Variants in BRAT1 observed in about 807,000 individuals in gnomAD.
BRAT1 encodes the protein integrator complex assembly factor BRAT1.
A neutral mutation model predicts 70.6 loss-of-function variants in BRAT1; 74 were observed. The ratio of observed to expected loss-of-function variants is 1.05; its 90% confidence interval spans 0.87 to 1.27. The LOEUF is 1.27. Among genes scored for constraint, BRAT1 ranks in the 50% most tolerant of loss-of-function variants. The probability of loss-of-function intolerance (pLI) is 0.00; values close to 1 mark genes in which losing one functional copy is unlikely to be tolerated. For synonymous variants in BRAT1, 615 were observed against 517.1 expected (o/e 1.19, Z -2.57); for missense variants, 1,203 against 1,098.2 (o/e 1.10, Z -1.35).
In BRAT1 at chr7:2,542,426, C is replaced by T. The variant is rs1404428338; in HGVS notation, c.924-215G>A. 12 of 585,574 alleles carry T rather than the reference C, an allele frequency of 2.0e-5. No homozygotes were observed. The South Asian group carries it at 2.2e-4, about 11-fold the overall frequency. 36.3% of individuals were successfully genotyped at this position (585,574 alleles called of 1,614,324 possible). A position where few individuals can be genotyped will look rare whatever the true frequency, so the allele number is the denominator to read the frequency against. ...GAGATGGGCCTGACACTCCTGATGT[C>T]CTTAGGAGCAGATACTGAGGGGCCT... On this transcript the variant is annotated intron_variant, in intron 6 of 13. Coordinates refer to ENST00000340611, the MANE Select transcript of BRAT1 (RefSeq NM_152743.4).
rs766746960 is a variant in BRAT1, at chr7:2,543,419, C to G, written c.804-96G>C. On this transcript the variant is annotated intron_variant, in intron 5 of 13. Transcript: ENST00000340611. The surrounding 1 kb of genome is among the most constrained non-coding windows in gnomAD (Gnocchi z 5.5). ...TGCCATGGCTCCGGCACTGGAGGCG[C>G]CCAGCCCAAGACAGGCCTTTCCCCA... The G allele has an allele frequency of 1.2e-3, 1,729 of 1,495,612 alleles. 3 individuals are homozygous for G. Among genetic ancestry groups the G allele is most frequent in the Non-Finnish European group, 1.4e-3 (1,607 of 1,125,912 alleles). 92.6% of individuals were successfully genotyped at this position (1,495,612 alleles called of 1,614,324 possible).
Position 2,538,393 on chromosome 7 carries a change from A to G in BRAT1, c.2142T>C (p.Pro714=). Residue 714 remains proline, a synonymous_variant, in exon 14 of 14, where the codon CCT becomes CCC. Coordinates refer to ENST00000340611, the MANE Select transcript of BRAT1 (RefSeq NM_152743.4). ...AFCALFDCDR[P]VAQKSCDLLL... is the part of the protein sequence containing the mutation. Reference sequence around the variant, plus strand: ...GGAGGTCACAAGACTTCTGCGCCACAGGGCGGTCGCAGTCAAACAAGGCAC... The same window carrying G: ...GGAGGTCACAAGACTTCTGCGCCACGGGGCGGTCGCAGTCAAACAAGGCAC... The G allele has an allele frequency of 6.2e-7, 1 of 1,613,564 alleles. No homozygotes were observed. Among genetic ancestry groups the G allele is most frequent in the East Asian group, 2.2e-5 (1 of 44,864 alleles).
At chr7:2,541,894 C>G in intron 7 of BRAT1, 58 bp from the exon 8 acceptor site, 10 of 1,560,366 alleles carry the variant, frequency 6.4e-6, no homozygotes, top group Non-Finnish European at 6.2e-6. Flanking sequence ...CCCACGGTCA[C>G]CAGCCACCCC....
intron 4 of BRAT1, chr7:2,544,197 G>GTTTTTTTTT (rs201500695): frequency 2.3e-4 from 28 of 121,392 alleles, no homozygotes; most frequent in Non-Finnish European, 2.9e-4. Flanking sequence ...GTTCCTTCTT[G>GTTTTTTTTT]TTGTTTTTTT....
chr7:2,548,205 A>G (rs1384200135), intron 2 of BRAT1, among the ~76,000 whole-genome samples: 1 of 152,180 alleles, frequency 6.6e-6, no homozygotes, highest in Non-Finnish European at 1.5e-5. Context: ...TCCTCTCCAG[A>G]ACTGGCATCC....
At position 2,543,251 on chromosome 7, in the gene BRAT1, G is replaced by C. The variant is rs113279845; in HGVS notation, c.876C>G (p.Pro292=). 6.2e-7 allele frequency: 1 copy of C among 1,611,226 alleles called. No individual in the cohort carries two copies. The highest frequency in any genetic ancestry group is 1.3e-5 in the African/African-American group (1 of 74,938). Residue 292 remains proline, a synonymous_variant, in exon 6 of 14, where the codon CCC becomes CCG. Coordinates refer to ENST00000340611, the MANE Select transcript of BRAT1 (RefSeq NM_152743.4). This position sits in a 1 kb window ranked among gnomAD's most constrained non-coding sequence, Gnocchi z 5.5. ...TVARALSCLG[P]THMGPLALGI... Reference sequence around the variant, plus strand: ...CCAAAGCCAGGGGTCCCATGTGGGTGGGACCCAGGCAGCTCAGAGCCCGCG... The same window carrying C: ...CCAAAGCCAGGGGTCCCATGTGGGTCGGACCCAGGCAGCTCAGAGCCCGCG...
intron 2 of BRAT1, 67 bp from the exon 3 acceptor site, chr7:2,547,545 T>C: frequency 6.5e-7 from 1 of 1,548,830 alleles, no homozygotes; most frequent in Non-Finnish European, 8.9e-7. Context: ...GGATGACCGC[T>C]CTTCTCCTAG....
chr7:2,544,058 G>T (rs991030673), intron 4 of BRAT1, 96 bp from the exon 5 acceptor site: 2 of 1,000,454 alleles, frequency 2.0e-6, no homozygotes, highest in African/African-American at 1.8e-5. Flanking sequence ...ATAGCAGAGG[G>T]CCCCCCAAGA....
Position 2,544,898 on chromosome 7 carries a change from GGC to G in BRAT1, c.430+9_430+10del. 6.5e-7 allele frequency: 1 copy of G among 1,548,886 alleles called. No individual in the cohort carries two copies. The highest frequency in any genetic ancestry group is 8.7e-7 in the Non-Finnish European group (1 of 1,146,594). On this transcript the variant is annotated intron_variant, in intron 4 of 13. Coordinates refer to ENST00000340611, the MANE Select transcript of BRAT1 (RefSeq NM_152743.4). ...AGGATGAGGAATGGGGTGGGGTGTG[GGC>G]GCACTCACCATGGTCGGCCAGGAAG...
In BRAT1 at chr7:2,542,158, C is replaced by A; in HGVS notation, c.977G>T (p.Cys326Phe). 6.4e-7 allele frequency: 1 copy of A among 1,572,140 alleles called. No homozygotes were observed. Among genetic ancestry groups the A allele is most frequent in the Non-Finnish European group, 8.6e-7 (1 of 1,158,812 alleles). ...GGCCTGAACCGTGGCCTTCAGGACACAGGCCAGGGGCTGGAGAAGGACCTG... is the reference window on the plus strand; with the variant it reads ...GGCCTGAACCGTGGCCTTCAGGACAAAGGCCAGGGGCTGGAGAAGGACCTG... Reference protein sequence around the residue: ...AFQVLLQPLACVLKATVQAPG... With the variant: ...AFQVLLQPLAFVLKATVQAPG... Residue 326 changes from cysteine to phenylalanine, a missense_variant, in exon 7 of 14, where the codon TGT becomes TTT. Cys to Phe is a radical substitution (Grantham distance 205). Coordinates refer to ENST00000340611, the MANE Select transcript of BRAT1 (RefSeq NM_152743.4).
intron 13 of BRAT1, 78 bp downstream of exon 13, chr7:2,539,101 G>T: frequency 2.6e-6 from 4 of 1,516,252 alleles, no homozygotes; most frequent in Non-Finnish European, 3.5e-6. Context: ...CATGCTGGCC[G>T]CTCGACCACC....
At chr7:2,552,340 A>C (rs566134172) in intron 2 of BRAT1, among the ~76,000 whole-genome samples, 1 of 150,094 alleles carries the variant, frequency 6.7e-6, no homozygotes, top group South Asian at 2.1e-4. Context: ...CTGGTCTCCA[A>C]CTCCTGACCT....
Position 2,547,520 on chromosome 7 carries a change from A to C in BRAT1, c.128-42T>G. 1.9e-6 allele frequency: 3 copies of C among 1,597,682 alleles called. 1 individual carries two copies. The South Asian group carries it at 3.3e-5, about 18-fold the overall frequency. On this transcript the variant is annotated intron_variant, in intron 2 of 13. Coordinates refer to ENST00000340611, the MANE Select transcript of BRAT1 (RefSeq NM_152743.4). ...GCCCAGGGGTCACCAGGGGTACGGC[A>C]CCAGGTGTCCCCCTGGATGACCGCT...
Position 2,543,996 on chromosome 7 carries a change from G to A in BRAT1, c.431-34C>T. The A allele has an allele frequency of 6.6e-7, 1 of 1,514,026 alleles. No individual in the cohort carries two copies. The allele number at this position is 1,514,026 out of a possible 1,614,324, so 93.8% of individuals were successfully genotyped here. ...GGGATGGGGGAAGAGAGGGAAAAGG[G>A]GGTGAGCCAGAATAGAGCTGGGGGA... On this transcript the variant is annotated intron_variant, in intron 4 of 13. Transcript: ENST00000340611. This position sits in a 1 kb window ranked among gnomAD's most constrained non-coding sequence, Gnocchi z 5.5.
chr7:2,547,743 G>GA (rs1172693720), intron 2 of BRAT1, among the ~76,000 whole-genome samples: 3 of 152,140 alleles, frequency 2.0e-5, no homozygotes, highest in Admixed American at 6.5e-5. Flanking sequence ...CAAAAATGCT[G>GA]AAAAAATGTT....
At chr7:2,541,871 G>A in intron 7 of BRAT1, 35 bp from the exon 8 acceptor site, 1 of 1,604,044 alleles carries the variant, frequency 6.2e-7, no homozygotes, top group African/African-American at 1.3e-5. Context: ...CCCTTAGAGA[G>A]CACTTCAGCC....
chr7:2,541,426 A>T lies in BRAT1; in HGVS notation c.1193T>A (p.Leu398Gln). 6.3e-7 allele frequency: 1 copy of T among 1,587,114 alleles called. No homozygotes were observed. The highest frequency in any genetic ancestry group is 8.6e-7 in the Non-Finnish European group (1 of 1,167,916). The change falls in exon 9 of 14, where the codon CTG (leucine) becomes CAG (glutamine). Residue 398 changes from leucine (L) to glutamine (Q), a missense_variant. Coordinates refer to ENST00000340611, the MANE Select transcript of BRAT1 (RefSeq NM_152743.4). The part of the protein sequence containing the change: ...ASLLGATVTV[L>Q]RLCDGSAAPA... Reference sequence around the variant, plus strand: ...GGCAGCCGAGCCGTCACAGAGCCGCAGGACAGTCACTGTAGCCCCCAGTAG... The same window carrying T: ...GGCAGCCGAGCCGTCACAGAGCCGCTGGACAGTCACTGTAGCCCCCAGTAG...
In BRAT1 at chr7:2,539,956, C is replaced by A. The variant is rs769634441; in HGVS notation, c.1396-68G>T. ...GGGCAGGCTGTCTGTCTGTCCCCCT[C>A]GCCTTCACCTGTGCTGCCCGTACTC... On this transcript the variant is annotated intron_variant, in intron 10 of 13. Transcript: ENST00000340611. 3.0e-5 allele frequency: 35 copies of A among 1,184,394 alleles called. No individual in the cohort carries two copies. The African/African-American group carries it at 4.8e-4, about 16-fold the overall frequency. 73.4% of individuals were successfully genotyped at this position (1,184,394 alleles called of 1,614,324 possible).
chr7:2,545,363 C>CAAAAAAAAAA (rs1185029266), intron 3 of BRAT1, among the ~76,000 whole-genome samples: 830 of 25,126 alleles, frequency 0.033, 110 homozygotes, highest in Non-Finnish European at 0.054. Flanking sequence ...GACTCCATCT[C>CAAAAAAAAAA]AAAAAAAAAA....
Sources: allele counts gnomAD v4.1 joint callset (sites outside exome capture counted in the v4.1 genomes callset), GRCh38; gene constraint gnomAD v4.1.1; non-coding constraint Gnocchi (gnomAD v3.1); transcripts MANE v1.5; gene names NCBI Gene and HGNC (gene_info 2026-07-23, HGNC 2026-07-21).